KCNH7: variants seen among roughly 807,000 people sequenced by gnomAD.
The protein encoded by KCNH7 is potassium voltage-gated channel subfamily H member 7.
A neutral mutation model predicts 120.8 loss-of-function variants in KCNH7; 49 were observed. The ratio of observed to expected loss-of-function variants is 0.41; its 90% CI spans 0.32 to 0.51. KCNH7 has a LOEUF of 0.51. Among genes scored for constraint, KCNH7 ranks in the 20% least tolerant of loss-of-function variants. KCNH7 has a pLI of 0.38. For missense variants in KCNH7, 1,097 were observed against 1,446.6 expected (o/e 0.76, Z 3.92); for synonymous variants, 547 against 516.1 (o/e 1.06, Z -0.81).
At chr2:162,375,884 C>A in intron 14 of KCNH7, among the ~76,000 whole-genome samples, 1 of 144,748 alleles carries the variant, frequency 6.9e-6, no homozygotes, top group Non-Finnish European at 1.5e-5. Context: ...AGGACAGAGC[C>A]AGACCCTATC....
intron 7 of KCNH7, among the ~76,000 whole-genome samples, chr2:162,439,525 C>T (rs1168251686): frequency 6.6e-6 from 1 of 152,090 alleles, no homozygotes; most frequent in Admixed American, 6.6e-5. Context: ...CAGAACTCAA[C>T]TTATTTATTG....
intron 14 of KCNH7, among the ~76,000 whole-genome samples, chr2:162,379,092 C>A (rs1686317378): frequency 6.6e-6 from 1 of 152,134 alleles, no homozygotes; most frequent in South Asian, 2.1e-4. Context: ...TTTAATAAAT[C>A]TTGTGATTAG....
intron 2 of KCNH7, among the ~76,000 whole-genome samples, chr2:162,791,392 A>T (rs1169628564): frequency 6.6e-6 from 1 of 151,950 alleles, no homozygotes; most frequent in Non-Finnish European, 1.5e-5. Context: ...CCATTTTTAC[A>T]ATATTGTTTC....
At chr2:162,624,295 G>A (rs376701265) in intron 2 of KCNH7, among the ~76,000 whole-genome samples, 6 of 152,054 alleles carry the variant, frequency 3.9e-5, no homozygotes, top group African/African-American at 1.4e-4. Flanking sequence ...ATCATCACAA[G>A]AGGAAGGGGA....
intron 6 of KCNH7, among the ~76,000 whole-genome samples, chr2:162,500,282 A>G (rs1410921420): frequency 7.1e-6 from 1 of 141,836 alleles, no homozygotes; most frequent in Non-Finnish European, 1.5e-5. Flanking sequence ...CAGCACATAT[A>G]ATATATAACA....
chr2:162,447,645 T>C (rs1688627822), intron 6 of KCNH7, among the ~76,000 whole-genome samples: 1 of 152,154 alleles, frequency 6.6e-6, no homozygotes, highest in African/African-American at 2.4e-5. Context: ...GGATCTCAGG[T>C]AATCCTCCAT....
intron 2 of KCNH7, among the ~76,000 whole-genome samples, chr2:162,784,401 T>C (rs1482213159): frequency 7.9e-5 from 12 of 152,138 alleles, no homozygotes; most frequent in Non-Finnish European, 1.8e-4. Context: ...CCACTACTGT[T>C]CCTTCCTTCA....
chr2:162,732,248 G>A (rs1018432339), intron 2 of KCNH7, among the ~76,000 whole-genome samples: 2 of 152,106 alleles, frequency 1.3e-5, no homozygotes, highest in African/African-American at 4.8e-5. Flanking sequence ...TAGTTAAGGG[G>A]ACATTCGACT....
At chr2:162,458,340 A>T (rs964070942) in intron 6 of KCNH7, among the ~76,000 whole-genome samples, 1 of 152,214 alleles carries the variant, frequency 6.6e-6, no homozygotes, top group Admixed American at 6.5e-5. Flanking sequence ...AAATATATGC[A>T]TATTAAAAAA....
At chr2:162,493,139 G>A (rs1044840402) in intron 6 of KCNH7, among the ~76,000 whole-genome samples, 21 of 151,834 alleles carry the variant, frequency 1.4e-4, no homozygotes, top group African/African-American at 4.1e-4. Context: ...CTGCTTTTTG[G>A]CCTGGGAAAC....
intron 2 of KCNH7, among the ~76,000 whole-genome samples, chr2:162,661,753 C>T (rs187587220): frequency 2.4e-4 from 36 of 152,106 alleles, no homozygotes; most frequent in African/African-American, 8.7e-4. Flanking sequence ...GAAGGAGATA[C>T]TACACATTTA....
At chr2:162,755,841 T>G (rs551474488) in intron 2 of KCNH7, among the ~76,000 whole-genome samples, 1 of 152,286 alleles carries the variant, frequency 6.6e-6, no homozygotes, top group South Asian at 2.1e-4. Context: ...TGGCATATAC[T>G]TGGTACATCT....
intron 2 of KCNH7, among the ~76,000 whole-genome samples, chr2:162,621,370 C>T (rs1683352983): frequency 6.9e-6 from 1 of 145,256 alleles, no homozygotes; most frequent in African/African-American, 2.6e-5. Context: ...CAATGACTTG[C>T]TTCTCAACTG....
chr2:162,451,209 T>C (rs1034347335), intron 6 of KCNH7, among the ~76,000 whole-genome samples: 13 of 152,060 alleles, frequency 8.5e-5, no homozygotes, highest in African/African-American at 3.1e-4. Flanking sequence ...AGAGCTACCA[T>C]ATAACATCAG....
intron 2 of KCNH7, among the ~76,000 whole-genome samples, chr2:162,781,073 A>G (rs1683463801): frequency 6.6e-6 from 1 of 152,094 alleles, no homozygotes; most frequent in South Asian, 2.1e-4. Flanking sequence ...AAGATACTCT[A>G]TTTTAATTTT....
chr2:162,552,188 A>C (rs980146121), intron 2 of KCNH7, among the ~76,000 whole-genome samples: 1 of 152,236 alleles, frequency 6.6e-6, no homozygotes, highest in Non-Finnish European at 1.5e-5. Flanking sequence ...AGAAGTCTCC[A>C]TAACTACCTT....
At chr2:162,594,609 G>A (rs74518978) in intron 2 of KCNH7, among the ~76,000 whole-genome samples, 6,719 of 152,036 alleles carry the variant, frequency 0.044, 307 homozygotes, top group East Asian at 0.11. Context: ...CATAGATTAA[G>A]TAAACTGTAT....
chr2:162,807,670 C>T (rs184458807), intron 2 of KCNH7, among the ~76,000 whole-genome samples: 1 of 151,902 alleles, frequency 6.6e-6, no homozygotes, highest in East Asian at 1.9e-4. Flanking sequence ...TCTTTTCATC[C>T]ATTTTTTGTT....
At chr2:162,508,450 C>T (rs1025990666) in intron 5 of KCNH7, among the ~76,000 whole-genome samples, 2 of 151,254 alleles carry the variant, frequency 1.3e-5, no homozygotes, top group Non-Finnish European at 1.5e-5. Context: ...TTAGATAAGG[C>T]ATTTAAAATT....
Sources: gnomAD v4.1 joint callset for allele counts (sites outside exome capture counted in the v4.1 genomes callset) on GRCh38, gnomAD v4.1.1 for gene constraint, MANE v1.5 for transcripts, NCBI Gene and HGNC (gene_info 2026-07-23, HGNC 2026-07-21) for gene names.